The following CDH17 variants were observed in gnomAD, a reference collection of about 807,000 sequenced individuals.
CDH17 encodes the protein cadherin 17, also known as cadherin-17.
Under a neutral mutation model 86.3 loss-of-function variants are expected in CDH17, and 67 were observed. The observed-to-expected ratio is 0.78, with a 90% confidence interval of 0.64 to 0.95. The LOEUF is 0.95. Among genes scored for constraint, CDH17 ranks in the 40% least tolerant of loss-of-function variants. CDH17 has a pLI of 0.00. For synonymous variants in CDH17, 367 were observed against 366.4 expected, an observed-to-expected ratio of 1.00 and a Z score of -0.02; for missense variants, 993 against 1,017.6, an observed-to-expected ratio of 0.98 and a Z score of 0.33.
chr8:94,213,902 T>C (rs1003534647), intron 1 of CDH17, among the ~76,000 whole-genome samples: 3 of 152,200 alleles, frequency 2.0e-5, no homozygotes, highest in African/African-American at 7.2e-5. Flanking sequence ...GTCCTACTTG[T>C]GACTCATCCA....
rs1424089243 is a variant in CDH17 at position 94,173,925 on chromosome 8, G to A, written c.655C>T (p.Gln219Ter). The A allele has an allele frequency of 6.2e-7, 1 of 1,613,450 alleles. No homozygotes were observed. Among genetic ancestry groups the A allele is most frequent in the Admixed American group, 1.7e-5 (1 of 59,998 alleles). ...LVISVKDMGG[Q>*]SENSFSDTTS... ...GTATCACTGAAGGAATTCTCACTCTGGCCTCCCATGTCCTTCACTGAGATC... is the reference window on the plus strand; with the variant it reads ...GTATCACTGAAGGAATTCTCACTCTAGCCTCCCATGTCCTTCACTGAGATC... The change falls in exon 7 of 18, where the codon CAG becomes TAG. Residue 219 changes from glutamine to a stop codon, truncating the protein, a stop_gained. Transcript: ENST00000027335. LOFTEE classifies it high-confidence loss of function.
At chr8:94,199,083 A>ATATATTT (rs1283889347) in intron 1 of CDH17, among the ~76,000 whole-genome samples, 1 of 23,230 alleles carries the variant, frequency 4.3e-5, no homozygotes, top group African/African-American at 1.1e-4. Flanking sequence ...ATATATATAT[A>ATATATTT]TTTTTTTTTT....
chr8:94,151,085 C>T (rs16916592), intron 13 of CDH17, among the ~76,000 whole-genome samples: 3,449 of 152,234 alleles, frequency 0.023, 128 homozygotes, highest in African/African-American at 0.079. Flanking sequence ...CATAGCCACA[C>T]GCGTGATTTA....
intron 15 of CDH17, among the ~76,000 whole-genome samples, chr8:94,143,747 C>G (rs1191034880): frequency 2.0e-5 from 3 of 152,210 alleles, no homozygotes; most frequent in African/African-American, 7.2e-5. Context: ...CTGCTAGCTT[C>G]AAACTTATTC....
In CDH17 at chr8:94,131,639, ATT is replaced by A. The variant is rs34140725; in HGVS notation, c.2168-649_2168-648del. 8.2e-3 allele frequency among the ~76,000 whole-genome samples: 1,218 copies of A among 148,514 alleles called. 18 individuals are homozygous for A. Among genetic ancestry groups the A allele is most frequent in the African/African-American group, 0.029 (1,169 of 40,720 alleles). On this transcript the variant is annotated intron_variant, in intron 15 of 17. Transcript: ENST00000027335. ...CACTTCAGCACTATAGTTCAAAGCC[ATT>A]TTTTTTTTTATCATGGGTCATCTTT...
chr8:94,198,153 A>G (rs1393248840), intron 1 of CDH17, among the ~76,000 whole-genome samples: 1 of 152,194 alleles, frequency 6.6e-6, no homozygotes, highest in South Asian at 2.1e-4. Flanking sequence ...GTATGTATGT[A>G]TATATATTTA....
rs1813639001 is a variant in CDH17 at position 94,189,232 on chromosome 8, T to C, written c.105A>G (p.Thr35=). ...GKFSGPLKPM[T]FSIYEGQEPS... ...GTTCTTGGCCTTCATAAATAGAAAA[T>C]GTCATGGGTTTCAGGGGTCCACTAA... is the stretch of plus-strand genomic sequence containing the variant. The change falls in exon 3 of 18, where the codon ACA becomes ACG. Residue 35 remains threonine (T), a synonymous_variant. Transcript: ENST00000027335. The C allele has an allele frequency of 6.2e-7, 1 of 1,613,116 alleles. No individual in the cohort carries two copies. Among genetic ancestry groups the C allele is most frequent in the Non-Finnish European group, 8.5e-7 (1 of 1,179,804 alleles).
chr8:94,143,566 T>C (rs1404362123), intron 15 of CDH17, among the ~76,000 whole-genome samples: 3 of 152,212 alleles, frequency 2.0e-5, no homozygotes, highest in Admixed American at 1.3e-4. Context: ...TAAGATGGCA[T>C]TGTCTCCCAA....
chr8:94,207,419 T>A (rs929308219), intron 1 of CDH17, among the ~76,000 whole-genome samples: 2 of 152,176 alleles, frequency 1.3e-5, no homozygotes, highest in African/African-American at 4.8e-5. Flanking sequence ...AAGTCTCTAG[T>A]GGCAGCTCTC....
chr8:94,155,843 A>G (rs1812935767), intron 12 of CDH17, among the ~76,000 whole-genome samples: 1 of 152,206 alleles, frequency 6.6e-6, no homozygotes, highest in Admixed American at 6.5e-5. Flanking sequence ...GGATGGAAGA[A>G]CAAATGAAAA....
At chr8:94,184,311 T>C (rs1813537039) in intron 3 of CDH17, among the ~76,000 whole-genome samples, 1 of 151,878 alleles carries the variant, frequency 6.6e-6, no homozygotes, top group African/African-American at 2.4e-5. Context: ...ATTATAGCCA[T>C]AAATGAAAAA....
intron 11 of CDH17, 71 bp from the exon 12 acceptor site, chr8:94,160,233 C>T (rs1182329749): frequency 8.3e-7 from 1 of 1,205,044 alleles, no homozygotes; most frequent in Non-Finnish European, 1.2e-6. Context: ...AAACTTATCT[C>T]TCTGGTTTCA....
intron 1 of CDH17, among the ~76,000 whole-genome samples, chr8:94,195,055 G>A (rs949668110): frequency 5.3e-5 from 8 of 152,202 alleles, no homozygotes; most frequent in Non-Finnish European, 7.3e-5. Flanking sequence ...AGGCTGTAGT[G>A]CAGTGGTGCA....
chr8:94,174,266 TAAC>T lies in CDH17; in HGVS notation c.425-9_425-7del, dbSNP rs747110420. 6.4e-7 allele frequency: 1 copy of T among 1,567,524 alleles called. No individual in the cohort carries two copies. Among genetic ancestry groups the T allele is most frequent in the East Asian group, 2.3e-5 (1 of 44,112 alleles). On this transcript the variant is annotated splice_polypyrimidine_tract_variant and splice_region_variant and intron_variant, in intron 5 of 17. Coordinates refer to ENST00000027335, the MANE Select transcript of CDH17 (RefSeq NM_004063.4). The stretch of plus-strand genomic sequence containing the variant: ...GACATACAAGAAGGGCTTTCCTGTT[TAAC>T]AAGACGTACCCAGAAAAAAAAAAAA...
chr8:94,207,657 T>C (rs150269715), intron 1 of CDH17, among the ~76,000 whole-genome samples: 258 of 152,246 alleles, frequency 1.7e-3, no homozygotes, highest in African/African-American at 5.9e-3. Flanking sequence ...TGAAGAAAAA[T>C]AAAGACAAGA....
At chr8:94,199,067 ATATATATATATATATATTTT>A (rs1319280137) in intron 1 of CDH17, among the ~76,000 whole-genome samples, 16 of 38,272 alleles carry the variant, frequency 4.2e-4, no homozygotes, top group African/African-American at 1.5e-3. Context: ...ATATATATAT[ATATATATATATATATATTTT>A]TTTTTTTTTA....
At chr8:94,128,737 A>G (rs557265200) in intron 17 of CDH17, among the ~76,000 whole-genome samples, 1 of 152,290 alleles carries the variant, frequency 6.6e-6, no homozygotes, top group South Asian at 2.1e-4. Flanking sequence ...CCTAGAGAAA[A>G]CAATCCAATT....
Position 94,161,682 on chromosome 8 carries a change from G to A in CDH17, c.1359+404C>T, listed in dbSNP as rs538666623. Among the ~76,000 whole-genome samples, 163 of 151,834 alleles carry A rather than the reference G, an allele frequency of 1.1e-3. 1 individual carries two copies. The South Asian group carries it at 0.02, about 19-fold the overall frequency. On this transcript the variant is annotated intron_variant, in intron 11 of 17. Coordinates refer to ENST00000027335, the MANE Select transcript of CDH17 (RefSeq NM_004063.4). ...TTACCCAATTATTACAAATTAAATCGCCAATATTCCAAATATTAAATTTTT... is the reference window on the plus strand; with the variant it reads ...TTACCCAATTATTACAAATTAAATCACCAATATTCCAAATATTAAATTTTT...
At chr8:94,173,053 T>C (rs1157336280) in intron 7 of CDH17, among the ~76,000 whole-genome samples, 1 of 152,090 alleles carries the variant, frequency 6.6e-6, no homozygotes, top group Non-Finnish European at 1.5e-5. Flanking sequence ...ACCATGTCCA[T>C]ACATAGTGCA....
Sources: allele counts gnomAD v4.1 joint callset (sites outside exome capture counted in the v4.1 genomes callset), GRCh38; gene constraint gnomAD v4.1.1; transcripts MANE v1.5; gene names NCBI Gene and HGNC (gene_info 2026-07-23, HGNC 2026-07-21).